The following PDSS2 variants were observed in gnomAD, a reference collection of about 807,000 sequenced individuals.
PDSS2 encodes decaprenyl diphosphate synthase subunit 2, also known as all trans-polyprenyl-diphosphate synthase PDSS2.
Under a neutral mutation model 44.5 loss-of-function variants are expected in PDSS2, and 31 were observed. The ratio of observed to expected loss-of-function variants is 0.70; its 90% confidence interval spans 0.52 to 0.94. The LOEUF is 0.94. Among genes scored for constraint, PDSS2 ranks in the 40% least tolerant of loss-of-function variants. The probability of loss-of-function intolerance (pLI) is 0.00; values close to 1 mark genes in which losing one functional copy is unlikely to be tolerated. For synonymous variants in PDSS2, 157 were observed against 180.3 expected (o/e 0.87, Z 1.03); for missense variants, 452 against 482.2 (o/e 0.94, Z 0.59).
intron 1 of PDSS2, among the ~76,000 whole-genome samples, chr6:107,415,288 C>A (rs755253955): frequency 2.0e-5 from 3 of 151,984 alleles, no homozygotes; most frequent in South Asian, 4.1e-4. Context: ...TTTTACCTCC[C>A]ATTTTAACAC....
At chr6:107,423,213 A>G (rs1260226953) in intron 1 of PDSS2, among the ~76,000 whole-genome samples, 4 of 152,142 alleles carry the variant, frequency 2.6e-5, no homozygotes. Context: ...AGGTATTAGT[A>G]AACTGTTAAT....
At chr6:107,348,320 G>C (rs944217194) in intron 1 of PDSS2, among the ~76,000 whole-genome samples, 1 of 152,196 alleles carries the variant, frequency 6.6e-6, no homozygotes, top group African/African-American at 2.4e-5. Flanking sequence ...AATGTCAAAA[G>C]CAAGTGAAAG....
At chr6:107,439,791 G>A (rs1057101785) in intron 1 of PDSS2, among the ~76,000 whole-genome samples, 3 of 152,152 alleles carry the variant, frequency 2.0e-5, no homozygotes, top group African/African-American at 7.2e-5. Flanking sequence ...AGCAGGACTG[G>A]GGAGGAGCAT....
chr6:107,414,127 C>A (rs1780589333), intron 1 of PDSS2, among the ~76,000 whole-genome samples: 2 of 152,222 alleles, frequency 1.3e-5, no homozygotes, highest in Non-Finnish European at 2.9e-5. Context: ...ATAGTAAGAT[C>A]TATTTTGGGA....
intron 4 of PDSS2, among the ~76,000 whole-genome samples, chr6:107,227,742 G>C (rs1773883598): frequency 6.6e-6 from 1 of 152,182 alleles, no homozygotes; most frequent in Admixed American, 6.5e-5. Flanking sequence ...ACAAGTTTTT[G>C]ACTTGAAAAT....
intron 1 of PDSS2, among the ~76,000 whole-genome samples, chr6:107,390,037 A>G (rs1779732192): frequency 6.6e-6 from 1 of 152,180 alleles, no homozygotes; most frequent in Non-Finnish European, 1.5e-5. Context: ...GTATAACTCA[A>G]AGTATAAATA....
At chr6:107,336,257 GAA>G (rs780156049) in intron 1 of PDSS2, among the ~76,000 whole-genome samples, 96 of 69,056 alleles carry the variant, frequency 1.4e-3, no homozygotes, top group Middle Eastern at 8.6e-3. Context: ...TTCCGTCTCA[GAA>G]AAAAAAAAAA....
At chr6:107,362,150 C>CA (rs1362763234) in intron 1 of PDSS2, among the ~76,000 whole-genome samples, 1 of 152,148 alleles carries the variant, frequency 6.6e-6, no homozygotes, top group Non-Finnish European at 1.5e-5. Context: ...AGCTTGACCC[C>CA]ACATATTTAC....
intron 2 of PDSS2, among the ~76,000 whole-genome samples, chr6:107,332,106 C>CT (rs11284721): frequency 3.7e-5 from 5 of 135,896 alleles, no homozygotes; most frequent in African/African-American, 1.1e-4. Context: ...ATAAGGTAAA[C>CT]TTTTTTTTTT....
intron 2 of PDSS2, among the ~76,000 whole-genome samples, chr6:107,282,932 C>A (rs991170289): frequency 6.6e-6 from 1 of 150,570 alleles, no homozygotes; most frequent in Admixed American, 6.6e-5. Flanking sequence ...CTATGTTGCC[C>A]AGGCTGGTCT....
intron 6 of PDSS2, among the ~76,000 whole-genome samples, chr6:107,194,514 T>G (rs1772486901): frequency 6.6e-6 from 1 of 152,240 alleles, no homozygotes; most frequent in Admixed American, 6.5e-5. Flanking sequence ...TTGTTTCTGT[T>G]TTGCTTGTAA....
At chr6:107,386,523 A>G (rs1779617131) in intron 1 of PDSS2, among the ~76,000 whole-genome samples, 1 of 152,206 alleles carries the variant, frequency 6.6e-6, no homozygotes, top group Non-Finnish European at 1.5e-5. Flanking sequence ...TTCATCTTGG[A>G]TAAAATCTAA....
intron 3 of PDSS2, among the ~76,000 whole-genome samples, chr6:107,262,021 G>C (rs1054461167): frequency 6.9e-6 from 1 of 145,938 alleles, no homozygotes; most frequent in African/African-American, 2.5e-5. Context: ...CCATTCTCCC[G>C]CCTCAGCCTC....
At chr6:107,231,602 T>C (rs547045536) in intron 4 of PDSS2, among the ~76,000 whole-genome samples, 1 of 152,342 alleles carries the variant, frequency 6.6e-6, no homozygotes, top group Non-Finnish European at 1.5e-5. Flanking sequence ...TAAGACCCTA[T>C]GGTTATTTGC....
chr6:107,185,231 T>C (rs187626887), intron 7 of PDSS2, among the ~76,000 whole-genome samples: 44 of 152,034 alleles, frequency 2.9e-4, no homozygotes, highest in Non-Finnish European at 3.2e-4. Flanking sequence ...ATAAACTACT[T>C]AGTGTCTTTG....
chr6:107,424,511 C>G (rs1449059301), intron 1 of PDSS2, among the ~76,000 whole-genome samples: 1 of 152,160 alleles, frequency 6.6e-6, no homozygotes, highest in Non-Finnish European at 1.5e-5. Context: ...CAGTTCCACT[C>G]TTATTTGATA....
At chr6:107,230,435 C>T (rs565809678) in intron 4 of PDSS2, among the ~76,000 whole-genome samples, 26 of 152,126 alleles carry the variant, frequency 1.7e-4, no homozygotes, top group Non-Finnish European at 3.2e-4. Flanking sequence ...TTGGCCTAGA[C>T]CACCAGTTCC....
chr6:107,359,498 C>T (rs1442932757), intron 1 of PDSS2, among the ~76,000 whole-genome samples: 2 of 151,732 alleles, frequency 1.3e-5, no homozygotes, highest in African/African-American at 2.4e-5. Flanking sequence ...GAGGCACACA[C>T]CTGTAATCCC....
chr6:107,206,476 G>C (rs559532770), intron 6 of PDSS2, among the ~76,000 whole-genome samples: 2 of 152,284 alleles, frequency 1.3e-5, no homozygotes, highest in South Asian at 2.1e-4. Flanking sequence ...AAAAGATCTA[G>C]TTTAATGCCA....
Sources: gnomAD v4.1 joint callset for allele counts (sites outside exome capture counted in the v4.1 genomes callset) on GRCh38, gnomAD v4.1.1 for gene constraint, MANE v1.5 for transcripts, NCBI Gene and HGNC (gene_info 2026-07-23, HGNC 2026-07-21) for gene names.